Variants in ALOX5 observed in about 807,000 individuals in gnomAD.
ALOX5 encodes the protein arachidonate 5-lipoxygenase, also known as polyunsaturated fatty acid 5-lipoxygenase.
ALOX5 carries 64 observed loss-of-function variants against 87.9 expected under a neutral mutation model. The ratio of observed to expected loss-of-function variants is 0.73; its 90% CI spans 0.60 to 0.90. The LOEUF (loss-of-function observed/expected upper bound fraction) is 0.90. ALOX5 is among the 40% of genes least tolerant of loss of function. ALOX5 has a pLI of 0.00. For missense variants in ALOX5, 822 were observed against 907.5 expected, an observed-to-expected ratio of 0.91 and a Z score of 1.21; for synonymous variants, 388 against 355.1, an observed-to-expected ratio of 1.09 and a Z score of -1.04.
At chr10:45,437,831 A>T (rs1379600024) in intron 7 of ALOX5, among the ~76,000 whole-genome samples, 1 of 152,246 alleles carries the variant, frequency 6.6e-6, no homozygotes, top group African/African-American at 2.4e-5. Flanking sequence ...CAAGCTGCGT[A>T]AGGAATAAAA....
chr10:45,374,285 C>T lies in ALOX5; in HGVS notation c.6C>T (p.Pro2=), dbSNP rs962769729. Residue 2 remains proline (P), a synonymous_variant, in exon 1 of 14, where the codon CCC becomes CCT. Coordinates refer to ENST00000374391, the MANE Select transcript of ALOX5 (RefSeq NM_000698.5). The stretch of plus-strand genomic sequence containing the variant: ...CTGCTCCCGCGGCCCGCGCCATGCC[C>T]TCCTACACGGTCACCGTGGCCACTG... M[P]SYTVTVATGS... is the part of the protein sequence containing the mutation. 26 of 1,510,184 alleles carry T rather than the reference C, an allele frequency of 1.7e-5. No individual in the cohort carries two copies. The African/African-American group carries it at 3.5e-4, about 20-fold the overall frequency. The allele number at this position is 1,510,184 out of a possible 1,614,324, so 93.5% of individuals were successfully genotyped here.
At chr10:45,427,576 G>A (rs187562953) in intron 6 of ALOX5, among the ~76,000 whole-genome samples, 46 of 152,352 alleles carry the variant, frequency 3.0e-4, no homozygotes, top group Admixed American at 1.1e-3. Context: ...GGGCGCGGTC[G>A]GTGGAGCTGC....
chr10:45,424,922 C>T, intron 5 of ALOX5, 38 bp from the exon 6 acceptor site: 1 of 1,611,372 alleles, frequency 6.2e-7, no homozygotes, highest in Non-Finnish European at 8.5e-7. Flanking sequence ...CTGCCCTCTA[C>T]TCAGAGCTCA....
At chr10:45,378,287 A>G (rs541407552) in intron 1 of ALOX5, among the ~76,000 whole-genome samples, 71 of 152,258 alleles carry the variant, frequency 4.7e-4, no homozygotes, top group African/African-American at 1.6e-3. Flanking sequence ...CTTCCGGTTC[A>G]GGGCTTTTCT....
In ALOX5 at chr10:45,401,956, G is replaced by A. The variant is rs971834456; in HGVS notation, c.431+6020G>A. Among the ~76,000 whole-genome samples the A allele has an allele frequency of 6.6e-5, 10 of 151,856 alleles. 1 individual carries two copies. Among genetic ancestry groups the A allele is most frequent in the South Asian group, 2.1e-4 (1 of 4,798 alleles). On this transcript the variant is annotated intron_variant, in intron 3 of 13. Coordinates refer to ENST00000374391, the MANE Select transcript of ALOX5 (RefSeq NM_000698.5). ...CAAAAAATTAGCCGGGCGTGGTGGC[G>A]GGCGCCTGTAGTCCCAGCTGCTCGG...
In ALOX5 at chr10:45,396,327, C is replaced by T. The variant is rs1409936950; in HGVS notation, c.431+391C>T. ...TCTTCAGCCAACTGACCAGAGGATT[C>T]AAACCATTAAAATGAGCAATAAGAG... On this transcript the variant is annotated intron_variant, in intron 3 of 13. Transcript: ENST00000374391. Among the ~76,000 whole-genome samples the T allele has an allele frequency of 2.1e-5, 3 of 145,040 alleles. No homozygotes were observed. In the South Asian group the frequency reaches 6.7e-4, roughly 32 times the overall value.
intron 7 of ALOX5, among the ~76,000 whole-genome samples, chr10:45,429,293 C>A (rs1841837202): frequency 6.6e-6 from 1 of 152,172 alleles, no homozygotes; most frequent in South Asian, 2.1e-4. Context: ...AGGCTGGGAG[C>A]TGGTGTGCAG....
chr10:45,409,654 A>G (rs928900353), intron 3 of ALOX5, among the ~76,000 whole-genome samples: 4 of 148,910 alleles, frequency 2.7e-5, no homozygotes, highest in Non-Finnish European at 5.9e-5. Flanking sequence ...TTTCCAATAA[A>G]TTAAATGCCT....
At chr10:45,418,618 G>A (rs1419865533) in intron 4 of ALOX5, among the ~76,000 whole-genome samples, 1 of 152,124 alleles carries the variant, frequency 6.6e-6, no homozygotes. Flanking sequence ...TTGCAGCCGG[G>A]GGCCATCTGA....
intron 6 of ALOX5, among the ~76,000 whole-genome samples, chr10:45,426,392 C>T (rs1184226650): frequency 6.6e-6 from 1 of 152,208 alleles, no homozygotes; most frequent in Non-Finnish European, 1.5e-5. Context: ...ACTGACTAGA[C>T]TCTTAAACAC....
intron 2 of ALOX5, among the ~76,000 whole-genome samples, chr10:45,388,020 G>T (rs1424051282): frequency 6.6e-6 from 1 of 152,214 alleles, no homozygotes; most frequent in Non-Finnish European, 1.5e-5. Context: ...AGGAGTCAGG[G>T]AATTCCCTTT....
intron 2 of ALOX5, among the ~76,000 whole-genome samples, chr10:45,385,181 A>G (rs1433980105): frequency 6.6e-6 from 1 of 152,230 alleles, no homozygotes; most frequent in Non-Finnish European, 1.5e-5. Context: ...TGGCAAAACA[A>G]CCAATCCCTT....
intron 4 of ALOX5, among the ~76,000 whole-genome samples, chr10:45,415,066 C>T (rs1166761561): frequency 2.0e-5 from 3 of 152,140 alleles, no homozygotes; most frequent in Admixed American, 6.5e-5. Flanking sequence ...ACCATTTGAC[C>T]CAGCCATCCC....
At chr10:45,427,631 C>T (rs1169932196) in intron 6 of ALOX5, among the ~76,000 whole-genome samples, 1 of 152,216 alleles carries the variant, frequency 6.6e-6, no homozygotes, top group Non-Finnish European at 1.5e-5. Context: ...GATACTGACC[C>T]CTCCGCAGCC....
chr10:45,416,729 G>A (rs778021423), intron 4 of ALOX5, among the ~76,000 whole-genome samples: 4 of 152,118 alleles, frequency 2.6e-5, no homozygotes, highest in African/African-American at 9.7e-5. Context: ...ATGAAGGGAA[G>A]GAGGAAGGAT....
chr10:45,396,051 C>G, intron 3 of ALOX5, 115 bp downstream of exon 3: 1 of 991,958 alleles, frequency 1.0e-6, no homozygotes. Context: ...TGGAAAGTCA[C>G]CAAGGCACCA....
chr10:45,416,141 G>A (rs755039729), intron 4 of ALOX5, among the ~76,000 whole-genome samples: 13 of 152,058 alleles, frequency 8.5e-5, no homozygotes, highest in South Asian at 2.1e-4. Context: ...ACATTGTGTC[G>A]GTGTTTTGGG....
In ALOX5 at chr10:45,445,793, C is replaced by A; in HGVS notation, c.*106C>A. ...GGCCTCTTGGCAGTCACATCTCTTC[C>A]TCCGAGGCCAGTACCTTTCCATTTA... On this transcript the variant is annotated 3_prime_UTR_variant, in exon 14 of 14. Coordinates refer to ENST00000374391, the MANE Select transcript of ALOX5 (RefSeq NM_000698.5). 1 of 1,236,334 alleles carries A rather than the reference C, an allele frequency of 8.1e-7. No homozygotes were observed. The highest frequency in any genetic ancestry group is 1.1e-6 in the Non-Finnish European group (1 of 875,576). The allele number at this position is 1,236,334 out of a possible 1,614,324, so 76.6% of individuals were successfully genotyped here.
At chr10:45,389,028 G>A (rs958017476) in intron 2 of ALOX5, among the ~76,000 whole-genome samples, 6 of 152,198 alleles carry the variant, frequency 3.9e-5, no homozygotes, top group African/African-American at 1.4e-4. Context: ...AACATGGCAC[G>A]AGAACTATGT....
Sources: allele counts gnomAD v4.1 joint callset (sites outside exome capture counted in the v4.1 genomes callset), GRCh38; gene constraint gnomAD v4.1.1; transcripts MANE v1.5; gene names NCBI Gene and HGNC (gene_info 2026-07-23, HGNC 2026-07-21).